Variants in WWP2 observed in about 807,000 individuals in gnomAD.
The protein encoded by WWP2 is WW domain containing E3 ubiquitin protein ligase 2, also known as NEDD4-like E3 ubiquitin-protein ligase WWP2.
Under a neutral mutation model 121.0 loss-of-function variants are expected in WWP2, and 57 were observed. The ratio of observed to expected loss-of-function variants is 0.47; its 90% CI spans 0.38 to 0.59. The LOEUF (loss-of-function observed/expected upper bound fraction) is 0.59, where lower values mean the gene tolerates loss of function less well. Among genes scored for constraint, WWP2 ranks in the 20% least tolerant of loss-of-function variants. WWP2 has a pLI of 0.00. For missense variants in WWP2, 962 were observed against 1,158.9 expected (o/e 0.83, Z 2.47); for synonymous variants, 449 against 441.3 (o/e 1.02, Z -0.22).
chr16:69,803,007 C>T (rs2056202790), intron 4 of WWP2, among the ~76,000 whole-genome samples: 1 of 151,984 alleles, frequency 6.6e-6, no homozygotes, highest in Non-Finnish European at 1.5e-5. Context: ...CTTATGAGAC[C>T]TGTACAATTT....
intron 2 of WWP2, among the ~76,000 whole-genome samples, chr16:69,792,741 G>C (rs1198430407): frequency 6.6e-6 from 1 of 152,168 alleles, no homozygotes; most frequent in Non-Finnish European, 1.5e-5. Context: ...ACCTAGGCTA[G>C]AGTGCAGTGG....
At chr16:69,861,542 G>A (rs1266434660) in intron 6 of WWP2, among the ~76,000 whole-genome samples, 1 of 152,134 alleles carries the variant, frequency 6.6e-6, no homozygotes, top group Non-Finnish European at 1.5e-5. Flanking sequence ...CAGAGGTAGG[G>A]TGTGGAATGG....
At chr16:69,922,034 T>C (rs554397540) in intron 10 of WWP2, among the ~76,000 whole-genome samples, 2 of 146,250 alleles carry the variant, frequency 1.4e-5, no homozygotes, top group Non-Finnish European at 3.0e-5. Flanking sequence ...GCTGAGATCA[T>C]GCCACTGCAC....
chr16:69,896,742 T>C (rs1214583851), intron 8 of WWP2, among the ~76,000 whole-genome samples: 1 of 150,648 alleles, frequency 6.6e-6, no homozygotes, highest in Non-Finnish European at 1.5e-5. Flanking sequence ...TTTTTTTTTT[T>C]TAAACACTAA....
At chr16:69,846,048 T>TGAAAAAAAA (rs1567700143) in intron 6 of WWP2, among the ~76,000 whole-genome samples, 5 of 1,724 alleles carry the variant, frequency 2.9e-3, no homozygotes, top group African/African-American at 0.011. Flanking sequence ...AGACTCCATC[T>TGAAAAAAAA]CAAAAAAAAA....
chr16:69,850,896 TC>T (rs1339523601), intron 6 of WWP2, among the ~76,000 whole-genome samples: 3 of 152,066 alleles, frequency 2.0e-5, no homozygotes, highest in African/African-American at 4.8e-5. Flanking sequence ...TATACTCTCT[TC>T]CCCACTATCA....
chr16:69,860,149 A>T (rs530473410), intron 6 of WWP2, among the ~76,000 whole-genome samples: 28 of 152,094 alleles, frequency 1.8e-4, no homozygotes, highest in African/African-American at 6.7e-4. Flanking sequence ...CCCCATCGCT[A>T]TAAAAAAAAA....
intron 19 of WWP2, chr16:69,936,696 G>T: frequency 3.5e-6 from 2 of 564,754 alleles, no homozygotes; most frequent in Non-Finnish European, 3.1e-6. Context: ...AGCCTGCAGC[G>T]TGGAATTTCT....
chr16:69,804,707 C>T (rs972921959), intron 4 of WWP2, among the ~76,000 whole-genome samples: 4 of 152,046 alleles, frequency 2.6e-5, no homozygotes, highest in Admixed American at 2.6e-4. Flanking sequence ...CTCTCCTCTT[C>T]CTACTCCCCA....
chr16:69,782,029 TC>T lies in WWP2; in HGVS notation c.-15-4964del, dbSNP rs1412854362. Among the ~76,000 whole-genome samples the T allele has an allele frequency of 2.6e-5, 4 of 152,142 alleles. No individual in the cohort carries two copies. In the East Asian group the frequency reaches 7.7e-4, roughly 29 times the overall value. Reference sequence around the variant, plus strand: ...CGGGCGAGGTGGCTCATGCCTGTAATCCCAGCACTTTGGGAGGCTGAGACGG... The same window carrying T: ...CGGGCGAGGTGGCTCATGCCTGTAATCCAGCACTTTGGGAGGCTGAGACGG... On this transcript the variant is annotated intron_variant, in intron 1 of 23. Coordinates refer to ENST00000359154, the MANE Select transcript of WWP2 (RefSeq NM_001270454.2).
chr16:69,890,386 G>A (rs1004227427), intron 8 of WWP2, among the ~76,000 whole-genome samples: 5 of 151,998 alleles, frequency 3.3e-5, no homozygotes, highest in Non-Finnish European at 7.4e-5. Context: ...TTTTTTGTGA[G>A]GTTTTTGATT....
At chr16:69,839,296 C>T (rs2056932802) in intron 4 of WWP2, among the ~76,000 whole-genome samples, 1 of 152,176 alleles carries the variant, frequency 6.6e-6, no homozygotes, top group Non-Finnish European at 1.5e-5. Flanking sequence ...TAGCTCCTGG[C>T]TGGACTGAAC....
chr16:69,912,773 G>A (rs1247305804), intron 9 of WWP2, among the ~76,000 whole-genome samples: 4 of 150,206 alleles, frequency 2.7e-5, no homozygotes, highest in Admixed American at 6.7e-5. Flanking sequence ...AGCTGGGCAC[G>A]GTGGCTCACA....
intron 5 of WWP2, 69 bp from the exon 6 acceptor site, chr16:69,841,955 C>A: frequency 6.8e-7 from 1 of 1,480,274 alleles, no homozygotes; most frequent in Non-Finnish European, 9.3e-7. Context: ...TGTTCCTGGC[C>A]GTCAAATCTC....
In WWP2 at chr16:69,935,094, C is replaced by T. The variant is rs1179495039; in HGVS notation, c.1843-759C>T. Among the ~76,000 whole-genome samples the T allele has an allele frequency of 6.6e-6, 1 of 152,160 alleles. No individual in the cohort carries two copies. The highest frequency in any genetic ancestry group is 6.5e-5 in the Admixed American group (1 of 15,282). On this transcript the variant is annotated intron_variant, in intron 17 of 23. Transcript: ENST00000359154. This position sits in a 1 kb window ranked among gnomAD's most constrained non-coding sequence, Gnocchi z 5.2. The stretch of plus-strand genomic sequence containing the variant: ...GAGGGTCCTGGGAGCGTGGAGAACC[C>T]GGATTGAGAAGCGGAGCCCGTGGGA...
In WWP2 at chr16:69,852,346, G is replaced by A. The variant is rs2057232255; in HGVS notation, c.575+10226G>A. Among the ~76,000 whole-genome samples, 4 of 150,914 alleles carry A rather than the reference G, an allele frequency of 2.7e-5. No homozygotes were observed. In the South Asian group the frequency reaches 8.4e-4, roughly 32 times the overall value. ...GGCTGGAGTGCAATGGTGTGATCTC[G>A]GCTTACTGCACCCTCCACCTCCTAG... On this transcript the variant is annotated intron_variant, in intron 6 of 23. Transcript: ENST00000359154.
chr16:69,776,627 C>G (rs145803787), intron 1 of WWP2, among the ~76,000 whole-genome samples: 4 of 151,894 alleles, frequency 2.6e-5, no homozygotes, highest in African/African-American at 7.3e-5. Context: ...GTCAGGTGTT[C>G]GAGACCAGCC....
intron 4 of WWP2, among the ~76,000 whole-genome samples, chr16:69,826,591 A>T (rs1333816645): frequency 1.4e-5 from 2 of 146,562 alleles, no homozygotes; most frequent in Non-Finnish European, 1.5e-5. Context: ...AAAAAAAAAA[A>T]AAGTGGAGCC....
intron 1 of WWP2, among the ~76,000 whole-genome samples, chr16:69,771,065 T>C (rs2055403864): frequency 6.6e-6 from 1 of 152,014 alleles, no homozygotes; most frequent in African/African-American, 2.4e-5. Flanking sequence ...AGTAAGTAAC[T>C]TGCTCTGGAT....
Sources: allele counts gnomAD v4.1 joint callset (sites outside exome capture counted in the v4.1 genomes callset), GRCh38; gene constraint gnomAD v4.1.1; non-coding constraint Gnocchi (gnomAD v3.1); transcripts MANE v1.5; gene names NCBI Gene and HGNC (gene_info 2026-07-23, HGNC 2026-07-21).